OR2T11: variants seen among roughly 807,000 people sequenced by gnomAD.
OR2T11 encodes the protein olfactory receptor 2T11.
In OR2T11, 14 loss-of-function variants were observed where a neutral mutation model predicts 13.5. The ratio of observed to expected loss-of-function variants is 1.04; its 90% CI spans 0.69 to 1.62. The LOEUF (loss-of-function observed/expected upper bound fraction) is 1.62, where lower values mean the gene tolerates loss of function less well. OR2T11 is among the 40% of genes most tolerant of loss of function. OR2T11 has a pLI of 0.00. For missense variants in OR2T11, 410 were observed against 389.7 expected (o/e 1.05, Z -0.44); for synonymous variants, 163 against 154.6 (o/e 1.05, Z -0.40).
chr1:248,633,875 G>A lies in OR2T11; in HGVS notation c.-145+1163C>T, dbSNP rs1176325527. 1.4e-5 allele frequency among the ~76,000 whole-genome samples: 2 copies of A among 143,668 alleles called. 1 individual carries two copies. Among genetic ancestry groups the A allele is most frequent in the African/African-American group, 5.5e-5 (2 of 36,644 alleles). 94.3% of individuals were successfully genotyped at this position (143,668 alleles called of 152,430 possible). On this transcript the variant is annotated intron_variant, in intron 1 of 1. Coordinates refer to ENST00000641193, the MANE Select transcript of OR2T11 (RefSeq NM_001001964.2). ...CTTACCTCCTGTTTGCTTCAAAGAAGGACTATATGAAGAATCTAGCAAAAG... is the reference window on the plus strand; with the variant it reads ...CTTACCTCCTGTTTGCTTCAAAGAAAGACTATATGAAGAATCTAGCAAAAG...
At position 248,626,079 on chromosome 1, in the gene OR2T11, A is replaced by G. The variant is rs1660511185; in HGVS notation, c.*99T>C. On this transcript the variant is annotated 3_prime_UTR_variant, in exon 2 of 2. Coordinates refer to ENST00000641193, the MANE Select transcript of OR2T11 (RefSeq NM_001001964.2). ...GACAGGGTGAATCATCTTAACTGCC[A>G]GTAGTAAGTGTAGGTTGATAGCTGA... The G allele has an allele frequency of 1.5e-6, 1 of 671,372 alleles. No homozygotes were observed. 41.6% of individuals were successfully genotyped at this position (671,372 alleles called of 1,614,324 possible).
In OR2T11 at chr1:248,629,813, C is replaced by G. The variant is rs550246055; in HGVS notation, c.-144-2541G>C. Among the ~76,000 whole-genome samples, 14 of 142,088 alleles carry G rather than the reference C, an allele frequency of 9.9e-5. 2 individuals are homozygous for G. Among genetic ancestry groups the G allele is most frequent in the African/African-American group, 3.9e-4 (14 of 35,758 alleles). The allele number at this position is 142,088 out of a possible 152,430, so 93.2% of individuals were successfully genotyped here. On this transcript the variant is annotated intron_variant, in intron 1 of 1. Coordinates refer to ENST00000641193, the MANE Select transcript of OR2T11 (RefSeq NM_001001964.2). ...GCCCAGGCCATTGCCTCTGCTGCTC[C>G]CCTTGCCTGGGGCTCCTCCTCCAAC... is the stretch of plus-strand genomic sequence containing the variant.
At position 248,628,081 on chromosome 1, in the gene OR2T11, CTA is replaced by C. The variant is rs1436150405; in HGVS notation, c.-144-811_-144-810del. Reference sequence around the variant, plus strand: ...AAAGGAAAATGTTGGTAGGTTGAAGCTATGTCAGCAGCAGACACACAGGAGCA... The same window carrying C: ...AAAGGAAAATGTTGGTAGGTTGAAGCTGTCAGCAGCAGACACACAGGAGCA... On this transcript the variant is annotated intron_variant, in intron 1 of 1. Transcript: ENST00000641193. Among the ~76,000 whole-genome samples the C allele has an allele frequency of 2.0e-4, 29 of 143,268 alleles. 1 individual carries two copies. The highest frequency in any genetic ancestry group is 2.0e-3 in the Admixed American group (29 of 14,688). 94.0% of individuals were successfully genotyped at this position (143,268 alleles called of 152,430 possible).
At chr1:248,627,342 G>A in intron 1 of OR2T11, 70 bp from the exon 2 acceptor site, 2 of 531,612 alleles carry the variant, frequency 3.8e-6, no homozygotes, top group East Asian at 3.2e-5. Context: ...CCCTGTCAGA[G>A]AACAGCTCCT....
Position 248,626,839 on chromosome 1 carries a change from T to C in OR2T11, c.290A>G (p.Gln97Arg). ...AATCATGGTCAGGTAGAGGAAGATC[T>C]GGATGCCACAGGCCACAAAGGAAAT... Reference protein sequence around the residue: ...KIISFVACGIQIFLYLTMIGS... With the variant: ...KIISFVACGIRIFLYLTMIGS... The change falls in exon 2 of 2, where the codon CAG becomes CGG. Residue 97 changes from glutamine to arginine, a missense_variant. By Grantham distance (43) the Gln-to-Arg change is conservative. Transcript: ENST00000641193. 1 of 1,572,188 alleles carries C rather than the reference T, an allele frequency of 6.4e-7. No homozygotes were observed. Among genetic ancestry groups the C allele is most frequent in the Non-Finnish European group, 8.6e-7 (1 of 1,156,188 alleles).
chr1:248,626,792 C>A lies in OR2T11; in HGVS notation c.337G>T (p.Gly113Cys), dbSNP rs1472696230. The A allele has an allele frequency of 6.4e-7, 1 of 1,569,332 alleles. No homozygotes were observed. Among genetic ancestry groups the A allele is most frequent in the Non-Finnish European group, 8.7e-7 (1 of 1,154,848 alleles). The stretch of plus-strand genomic sequence containing the variant: ...ACGTAGCAGTCATAGGCCATGAGGC[C>A]CAGGAGGAAGAACTCAGAACCAATC... ...TMIGSEFFLL[G>C]LMAYDCYVAV... The change falls in exon 2 of 2, where the codon GGC (glycine) becomes TGC (cysteine). Residue 113 changes from glycine (G) to cysteine (C), a missense_variant. Coordinates refer to ENST00000641193, the MANE Select transcript of OR2T11 (RefSeq NM_001001964.2).
chr1:248,626,378 C>A lies in OR2T11; in HGVS notation c.751G>T (p.Ala251Ser). The change falls in exon 2 of 2, where the codon GCT becomes TCT. Residue 251 changes from alanine to serine, a missense_variant. By Grantham distance (99) the Ala-to-Ser change is moderately conservative. Transcript: ENST00000641193. ...HLTVVSIFYG[A>S]AFYTYVLPQS... The stretch of plus-strand genomic sequence containing the variant: ...GGCAGCACGTATGTGTAGAAGGCAG[C>A]CCCATAGAAGATGCTAACTACAGTC... 6.4e-7 allele frequency: 1 copy of A among 1,572,888 alleles called. No individual in the cohort carries two copies. The highest frequency in any genetic ancestry group is 8.6e-7 in the Non-Finnish European group (1 of 1,156,570).
chr1:248,626,495 A>C lies in OR2T11; in HGVS notation c.634T>G (p.Ser212Ala). 2 of 1,571,748 alleles carry C rather than the reference A, an allele frequency of 1.3e-6. No homozygotes were observed. Among genetic ancestry groups the C allele is most frequent in the Non-Finnish European group, 1.7e-6 (2 of 1,155,482 alleles). ...AACAAGATGAGGGAGTAGGAAGTGGAGATGATAGAGATGGGGATGAGCAAC... is the reference window on the plus strand; with the variant it reads ...AACAAGATGAGGGAGTAGGAAGTGGCGATGATAGAGATGGGGATGAGCAAC... Reference protein sequence around the residue: ...LMLLIPISIISTSYSLILLTI... With the variant: ...LMLLIPISIIATSYSLILLTI... Residue 212 changes from serine to alanine, a missense_variant, in exon 2 of 2, where the codon TCC becomes GCC. By Grantham distance (99) the Ser-to-Ala change is moderately conservative. Coordinates refer to ENST00000641193, the MANE Select transcript of OR2T11 (RefSeq NM_001001964.2).
At chr1:248,627,362 C>T (rs1220095613) in intron 1 of OR2T11, 90 bp from the exon 2 acceptor site, 5 of 501,836 alleles carry the variant, frequency 1.0e-5, no homozygotes, top group East Asian at 6.8e-5. Context: ...TTCTATATTG[C>T]GTCTATGGTT....
chr1:248,630,096 T>G (rs1312003253), intron 1 of OR2T11, among the ~76,000 whole-genome samples: 1 of 69,244 alleles, frequency 1.4e-5, no homozygotes, highest in Non-Finnish European at 3.2e-5. Context: ...CACATTCAGC[T>G]AGCAAAAATG....
chr1:248,630,074 AT>A (rs1660583205), intron 1 of OR2T11, among the ~76,000 whole-genome samples: 1 of 133,134 alleles, frequency 7.5e-6, no homozygotes, highest in African/African-American at 3.0e-5. Context: ...CTTTGAATAA[AT>A]CATTTTTAAA....
At chr1:248,629,474 C>T (rs1355974701) in intron 1 of OR2T11, among the ~76,000 whole-genome samples, 2 of 141,294 alleles carry the variant, frequency 1.4e-5, no homozygotes, top group East Asian at 2.1e-4. Context: ...CTAGTAGGTG[C>T]CTGGCTTAAT....
rs181545089 is a variant in OR2T11, at chr1:248,629,742, G to A, written c.-144-2470C>T. ...AGTCTGTCTGTCCCTGGGCTGCAGC[G>A]ACGGTGGCTTCCTTGTCCTCTGTCC... On this transcript the variant is annotated intron_variant, in intron 1 of 1. Transcript: ENST00000641193. Among the ~76,000 whole-genome samples the A allele has an allele frequency of 2.5e-4, 36 of 141,266 alleles. 2 individuals are homozygous for A. Among genetic ancestry groups the A allele is most frequent in the Non-Finnish European group, 4.4e-4 (29 of 65,870 alleles). The allele number at this position is 141,266 out of a possible 152,430, so 92.7% of individuals were successfully genotyped here.
intron 1 of OR2T11, among the ~76,000 whole-genome samples, chr1:248,634,619 A>G (rs1445887187): frequency 7.2e-6 from 1 of 139,692 alleles, no homozygotes; most frequent in East Asian, 2.1e-4. Flanking sequence ...TATCGATGCC[A>G]TAAAGTTGTC....
intron 1 of OR2T11, among the ~76,000 whole-genome samples, chr1:248,630,709 G>A (rs1392114172): frequency 7.0e-6 from 1 of 143,864 alleles, no homozygotes; most frequent in Non-Finnish European, 1.5e-5. Context: ...TAAATTGAAC[G>A]ACACTGTAAT....
chr1:248,629,080 A>G (rs1208369102), intron 1 of OR2T11, among the ~76,000 whole-genome samples: 2 of 143,870 alleles, frequency 1.4e-5, no homozygotes, highest in Non-Finnish European at 3.0e-5. Flanking sequence ...GTCATATTAA[A>G]CAAATTCAAA....
chr1:248,630,694 C>A (rs1267772043), intron 1 of OR2T11, among the ~76,000 whole-genome samples: 1 of 143,994 alleles, frequency 6.9e-6, no homozygotes, highest in Non-Finnish European at 1.5e-5. Context: ...TATTAATTTG[C>A]TACTTAAATT....
At position 248,624,758 on chromosome 1, in the gene OR2T11, CCT is replaced by C. The variant is rs1019151952; in HGVS notation, c.*1418_*1419del. The C allele has an allele frequency of 1.4e-5, 2 of 143,954 alleles. No individual in the cohort carries two copies. The highest frequency in any genetic ancestry group is 5.5e-5 in the African/African-American group (2 of 36,490). 8.9% of individuals were successfully genotyped at this position (143,954 alleles called of 1,614,324 possible). On this transcript the variant is annotated 3_prime_UTR_variant, in exon 2 of 2. Coordinates refer to ENST00000641193, the MANE Select transcript of OR2T11 (RefSeq NM_001001964.2). ...TTTATGTATTTATCTTGAGACAAGG[CCT>C]CTCTGCCAGTCAGGCTGGAGCACAG... is the stretch of plus-strand genomic sequence containing the variant.
At chr1:248,632,654 CCT>C in intron 1 of OR2T11, among the ~76,000 whole-genome samples, 1 of 103,614 alleles carries the variant, frequency 9.7e-6, no homozygotes, top group Admixed American at 1.0e-4. Flanking sequence ...TCTTTTCAGG[CCT>C]CTCTTAGGTG....
Sources: allele counts gnomAD v4.1 joint callset (sites outside exome capture counted in the v4.1 genomes callset), GRCh38; gene constraint gnomAD v4.1.1; transcripts MANE v1.5; gene names NCBI Gene and HGNC (gene_info 2026-07-23, HGNC 2026-07-21).